The following EBF2 variants were observed in gnomAD, a reference collection of about 807,000 sequenced individuals.
EBF2 encodes EBF transcription factor 2.
EBF2 carries 21 observed loss-of-function variants against 72.8 expected under a neutral mutation model. That is an observed-to-expected ratio of 0.29 (90% CI 0.20 to 0.42). The LOEUF is 0.42. Among genes scored for constraint, EBF2 ranks in the 10% least tolerant of loss-of-function variants. The pLI, the probability that EBF2 is intolerant of heterozygous loss-of-function variation, is 1.00. For missense variants in EBF2, 637 were observed against 731.2 expected (o/e 0.87, Z 1.49); for synonymous variants, 299 against 274.2 (o/e 1.09, Z -0.89).
chr8:25,875,946 A>G (rs1802512459), intron 10 of EBF2, among the ~76,000 whole-genome samples: 1 of 152,232 alleles, frequency 6.6e-6, no homozygotes, highest in South Asian at 2.1e-4. Flanking sequence ...ATTCTATTAT[A>G]AAGATACATG....
At chr8:25,930,858 T>C (rs900685393) in intron 6 of EBF2, among the ~76,000 whole-genome samples, 4 of 152,136 alleles carry the variant, frequency 2.6e-5, no homozygotes, top group Admixed American at 6.5e-5. Context: ...AGTAGGCATA[T>C]AGAACAACAC....
At chr8:25,858,602 G>A (rs1490038182) in intron 13 of EBF2, 98 bp from the exon 14 acceptor site, 44 of 1,066,302 alleles carry the variant, frequency 4.1e-5, no homozygotes, top group Non-Finnish European at 5.7e-5. Flanking sequence ...ACTGCAGAAT[G>A]TCACCAGCTG....
chr8:26,041,225 T>A (rs1481426016), intron 2 of EBF2: 2 of 593,208 alleles, frequency 3.4e-6, no homozygotes, highest in Admixed American at 2.9e-5. Context: ...TCCAGCCCTC[T>A]GTCTCCCTTA....
chr8:25,964,470 A>C (rs1270277297), intron 6 of EBF2, among the ~76,000 whole-genome samples: 1 of 152,228 alleles, frequency 6.6e-6, no homozygotes, highest in Non-Finnish European at 1.5e-5. Flanking sequence ...TTTAATTAAA[A>C]AAAGAATGTA....
intron 6 of EBF2, among the ~76,000 whole-genome samples, chr8:25,981,009 G>T (rs1804353632): frequency 1.3e-5 from 2 of 151,986 alleles, no homozygotes; most frequent in East Asian, 1.9e-4. Flanking sequence ...ACACAGTTTT[G>T]GTTCCCAGCT....
chr8:26,024,547 C>T (rs1198783329), intron 6 of EBF2, among the ~76,000 whole-genome samples: 2 of 152,106 alleles, frequency 1.3e-5, no homozygotes, highest in African/African-American at 2.4e-5. Context: ...CTGTTCTGTA[C>T]CTATCTGCCA....
chr8:25,882,954 G>T (rs1278777262), intron 10 of EBF2, among the ~76,000 whole-genome samples: 1 of 152,162 alleles, frequency 6.6e-6, no homozygotes, highest in East Asian at 1.9e-4. Context: ...GATATTTTAC[G>T]ACTTGCTAAA....
Position 26,033,022 on chromosome 8 carries a change from CAG to C in EBF2, c.551+61_551+62del. On this transcript the variant is annotated intron_variant, in intron 6 of 15. Transcript: ENST00000520164. ...CAGCAAAGCTCCATGGATCAGTACT[CAG>C]AGTTGAGGTTCATGAAGAAAAGGAA... 2.7e-6 allele frequency: 4 copies of C among 1,464,800 alleles called. No homozygotes were observed. In the Middle Eastern group the frequency reaches 5.2e-4, roughly 190 times the overall value. The allele number at this position is 1,464,800 out of a possible 1,614,324, so 90.7% of individuals were successfully genotyped here.
chr8:25,959,499 C>A (rs1804002027), intron 6 of EBF2, among the ~76,000 whole-genome samples: 1 of 152,230 alleles, frequency 6.6e-6, no homozygotes, highest in Non-Finnish European at 1.5e-5. Context: ...GCCACAAGGC[C>A]TGGCCTAAGA....
At chr8:25,871,418 G>C (rs1332177108) in intron 10 of EBF2, among the ~76,000 whole-genome samples, 1 of 152,150 alleles carries the variant, frequency 6.6e-6, no homozygotes, top group Non-Finnish European at 1.5e-5. Flanking sequence ...CAAAAACAGA[G>C]TAAATTAAAA....
chr8:25,865,822 GAGACTATCCTGGC>G (rs1802301951), intron 10 of EBF2, among the ~76,000 whole-genome samples: 1 of 151,510 alleles, frequency 6.6e-6, no homozygotes, highest in Non-Finnish European at 1.5e-5. Flanking sequence ...TCAGGAGATC[GAGACTATCCTGGC>G]TAACACGGTG....
chr8:25,898,450 T>TAA (rs112211291), intron 7 of EBF2, among the ~76,000 whole-genome samples: 3,560 of 144,488 alleles, frequency 0.025, 163 homozygotes, highest in African/African-American at 0.085. Flanking sequence ...CAGTGGCAAT[T>TAA]AAAAAAAAAA....
intron 6 of EBF2, among the ~76,000 whole-genome samples, chr8:25,919,180 G>A (rs951316241): frequency 5.9e-5 from 9 of 152,180 alleles, no homozygotes; most frequent in African/African-American, 2.2e-4. Flanking sequence ...TTCCAACCAA[G>A]CATCAAGCTT....
chr8:26,014,957 A>G (rs1044965946), intron 6 of EBF2, among the ~76,000 whole-genome samples: 2 of 152,226 alleles, frequency 1.3e-5, no homozygotes, highest in East Asian at 3.8e-4. Context: ...ACCCTACCTA[A>G]TTATACTGAT....
rs1490609380 is a variant in EBF2, at chr8:26,041,131, C to T, written c.289-129G>A. The T allele has an allele frequency of 1.8e-5, 19 of 1,067,022 alleles. No individual in the cohort carries two copies. In the East Asian group the frequency reaches 4.9e-4, roughly 27 times the overall value. The allele number at this position is 1,067,022 out of a possible 1,614,324, so 66.1% of individuals were successfully genotyped here. On this transcript the variant is annotated intron_variant, in intron 2 of 15. Transcript: ENST00000520164. ...AGGCAGCTTTGAGTAACCCCCTGTTCAGCCCTAGGTCAAAGGGCATGAGCA... is the reference window on the plus strand; with the variant it reads ...AGGCAGCTTTGAGTAACCCCCTGTTTAGCCCTAGGTCAAAGGGCATGAGCA...
At chr8:25,986,253 C>T (rs1804455682) in intron 6 of EBF2, among the ~76,000 whole-genome samples, 1 of 152,102 alleles carries the variant, frequency 6.6e-6, no homozygotes, top group Non-Finnish European at 1.5e-5. Context: ...CTAGAATGCC[C>T]TCCACCTGCT....
intron 4 of EBF2, 68 bp from the exon 5 acceptor site, chr8:26,040,169 T>C (rs1199914971): frequency 2.0e-6 from 3 of 1,514,122 alleles, no homozygotes; most frequent in Admixed American, 1.7e-5. Flanking sequence ...AGAAGGGACT[T>C]CAGAACAAGC....
At chr8:25,899,600 C>A (rs1802916637) in intron 7 of EBF2, among the ~76,000 whole-genome samples, 1 of 152,104 alleles carries the variant, frequency 6.6e-6, no homozygotes, top group African/African-American at 2.4e-5. Context: ...GATGGTGGTG[C>A]CATTAAAAAG....
intron 5 of EBF2, among the ~76,000 whole-genome samples, chr8:26,037,653 C>T (rs1050182076): frequency 2.0e-5 from 3 of 152,168 alleles, no homozygotes; most frequent in Admixed American, 6.5e-5. Context: ...CAGCTGTAGG[C>T]CTTGAGACGA....
Sources: gnomAD v4.1 joint callset for allele counts (sites outside exome capture counted in the v4.1 genomes callset) on GRCh38, gnomAD v4.1.1 for gene constraint, MANE v1.5 for transcripts, NCBI Gene and HGNC (gene_info 2026-07-23, HGNC 2026-07-21) for gene names.